The following ADAMTSL3 variants were observed in gnomAD, a reference collection of about 807,000 sequenced individuals.
ADAMTSL3 encodes ADAMTS-like protein 3.
A neutral mutation model predicts 201.7 loss-of-function variants in ADAMTSL3; 128 were observed. The ratio of observed to expected loss-of-function variants is 0.63; its 90% CI spans 0.55 to 0.73. The LOEUF is 0.73. Among genes scored for constraint, ADAMTSL3 ranks in the 30% least tolerant of loss-of-function variants. The pLI is 0.00. For synonymous variants in ADAMTSL3, 738 were observed against 748.4 expected (o/e 0.99, Z 0.23); for missense variants, 1,990 against 2,119.6 (o/e 0.94, Z 1.20).
intron 6 of ADAMTSL3, among the ~76,000 whole-genome samples, chr15:83,822,787 T>G (rs371044446): frequency 1.1e-4 from 17 of 150,338 alleles, no homozygotes; most frequent in Admixed American, 1.1e-3. Context: ...ACTTCCCAGA[T>G]GGGGTGGCGG....
chr15:83,728,889 T>C (rs980677832), intron 3 of ADAMTSL3, among the ~76,000 whole-genome samples: 14 of 152,126 alleles, frequency 9.2e-5, no homozygotes, highest in Non-Finnish European at 1.5e-4. Flanking sequence ...TAAAGTCTTT[T>C]TCTTTCCAGT....
intron 7 of ADAMTSL3, among the ~76,000 whole-genome samples, chr15:83,851,811 T>TA (rs928456725): frequency 2.6e-5 from 4 of 152,200 alleles, no homozygotes; most frequent in Non-Finnish European, 5.9e-5. Context: ...ATACTTTTTA[T>TA]AAAACTTAAA....
intron 28 of ADAMTSL3, among the ~76,000 whole-genome samples, chr15:84,035,140 C>T (rs1273869700): frequency 6.6e-6 from 1 of 152,164 alleles, no homozygotes; most frequent in Non-Finnish European, 1.5e-5. Flanking sequence ...CTGTGCCCCT[C>T]TCATTCTTTG....
At chr15:83,827,917 G>C (rs1340963553) in intron 6 of ADAMTSL3, among the ~76,000 whole-genome samples, 1 of 152,178 alleles carries the variant, frequency 6.6e-6, no homozygotes, top group African/African-American at 2.4e-5. Context: ...TTTGGTTACT[G>C]TAGCCTTGTA....
At chr15:83,903,342 T>C (rs2065764566) in intron 15 of ADAMTSL3, among the ~76,000 whole-genome samples, 1 of 151,096 alleles carries the variant, frequency 6.6e-6, no homozygotes, top group Admixed American at 6.7e-5. Context: ...CACACTCACA[T>C]TGTTGTGCAC....
At chr15:83,734,023 T>C (rs1309600691) in intron 3 of ADAMTSL3, among the ~76,000 whole-genome samples, 1 of 152,076 alleles carries the variant, frequency 6.6e-6, no homozygotes, top group Non-Finnish European at 1.5e-5. Flanking sequence ...GCGTGGTGAG[T>C]CTCTCAGCGT....
intron 3 of ADAMTSL3, among the ~76,000 whole-genome samples, chr15:83,753,094 CAGTA>C (rs750910360): frequency 6.6e-4 from 100 of 152,300 alleles, no homozygotes; most frequent in African/African-American, 2.3e-3. Flanking sequence ...GCTGTTGAGT[CAGTA>C]AGTGACTTCT....
rs1166782144 is a variant in ADAMTSL3, at chr15:83,773,495, T to TTG, written c.190-27_190-26insGT. ...CCTATACTTTATTGTGTGGTTTTTT[T>TTG]TTTGTTTGTTTGCTTTTTAACATCT... On this transcript the variant is annotated intron_variant, in intron 3 of 29. Coordinates refer to ENST00000286744, the MANE Select transcript of ADAMTSL3 (RefSeq NM_207517.3). 5 of 1,610,212 alleles carry TTG rather than the reference T, an allele frequency of 3.1e-6. No individual in the cohort carries two copies. The East Asian group carries it at 8.9e-5, about 29-fold the overall frequency.
intron 9 of ADAMTSL3, among the ~76,000 whole-genome samples, chr15:83,882,933 T>A (rs1389037125): frequency 6.6e-6 from 1 of 152,092 alleles, no homozygotes; most frequent in Non-Finnish European, 1.5e-5. Context: ...TTTCTTAAAA[T>A]CTAGGAAATT....
chr15:83,670,491 CCA>C (rs144780752), intron 2 of ADAMTSL3, among the ~76,000 whole-genome samples: 13 of 150,456 alleles, frequency 8.6e-5, no homozygotes, highest in South Asian at 2.1e-4. Flanking sequence ...TATATTATGA[CCA>C]CACACACACA....
chr15:83,880,400 A>G (rs1293273410), intron 9 of ADAMTSL3, among the ~76,000 whole-genome samples: 1 of 152,184 alleles, frequency 6.6e-6, no homozygotes, highest in Non-Finnish European at 1.5e-5. Flanking sequence ...AAGTTTTATC[A>G]GAACAGCCAC....
intron 9 of ADAMTSL3, among the ~76,000 whole-genome samples, chr15:83,879,897 T>C (rs1195204321): frequency 6.6e-6 from 1 of 152,224 alleles, no homozygotes; most frequent in African/African-American, 2.4e-5. Flanking sequence ...AATCATTGCA[T>C]CTTCCTAGTG....
At chr15:83,817,252 C>G (rs527570381) in intron 5 of ADAMTSL3, among the ~76,000 whole-genome samples, 4 of 152,068 alleles carry the variant, frequency 2.6e-5, no homozygotes, top group Admixed American at 2.0e-4. Context: ...CGTGAAGTAG[C>G]AAAAAGAGGA....
At chr15:83,705,583 G>A (rs1394902907) in intron 3 of ADAMTSL3, among the ~76,000 whole-genome samples, 1 of 152,216 alleles carries the variant, frequency 6.6e-6, no homozygotes, top group Non-Finnish European at 1.5e-5. Flanking sequence ...TGCTGGAGGT[G>A]GGCTGGGAGA....
chr15:83,909,442 G>C (rs1016750750), intron 15 of ADAMTSL3, among the ~76,000 whole-genome samples: 19 of 152,052 alleles, frequency 1.2e-4, no homozygotes, highest in Non-Finnish European at 2.6e-4. Flanking sequence ...CAGCTTTTCT[G>C]TTTCATGCGT....
chr15:83,767,174 G>A (rs2062905861), intron 3 of ADAMTSL3, among the ~76,000 whole-genome samples: 1 of 152,210 alleles, frequency 6.6e-6, no homozygotes, highest in South Asian at 2.1e-4. Context: ...CTGCAAAATG[G>A]GGATGGTGAT....
intron 5 of ADAMTSL3, among the ~76,000 whole-genome samples, chr15:83,817,238 C>T (rs1202063874): frequency 6.6e-6 from 1 of 152,130 alleles, no homozygotes; most frequent in African/African-American, 2.4e-5. Context: ...CAATAAAATA[C>T]AAACGTGAAG....
At chr15:83,881,104 A>T (rs2065261867) in intron 9 of ADAMTSL3, among the ~76,000 whole-genome samples, 1 of 152,220 alleles carries the variant, frequency 6.6e-6, no homozygotes, top group Admixed American at 6.5e-5. Context: ...TCTTCAGTCT[A>T]ACACTCTTCC....
intron 3 of ADAMTSL3, among the ~76,000 whole-genome samples, chr15:83,714,868 CCCTCCCTCCCT>C (rs2061989532): frequency 8.7e-5 from 1 of 11,472 alleles, no homozygotes; most frequent in Non-Finnish European, 1.3e-4. Context: ...CTCCCTCCCT[CCCTCCCTCCCT>C]TCCTTCCTTC....
Sources: gnomAD v4.1 joint callset for allele counts (sites outside exome capture counted in the v4.1 genomes callset) on GRCh38, gnomAD v4.1.1 for gene constraint, MANE v1.5 for transcripts, NCBI Gene and HGNC (gene_info 2026-07-23, HGNC 2026-07-21) for gene names.